Variants in IL1RAPL1 observed in about 807,000 individuals in gnomAD.
IL1RAPL1 encodes interleukin 1 receptor accessory protein like 1, also known as interleukin-1 receptor accessory protein-like 1.
Under a neutral mutation model 48.4 loss-of-function variants are expected in IL1RAPL1, and 3 were observed. The ratio of observed to expected loss-of-function variants is 0.06; its 90% CI spans 0.03 to 0.16. The LOEUF (loss-of-function observed/expected upper bound fraction) is 0.16, where lower values mean the gene tolerates loss of function less well. Ranked by LOEUF, IL1RAPL1 falls within the 10% of genes least tolerant of loss-of-function variation. The pLI is 1.00. For synonymous variants in IL1RAPL1, 185 were observed against 187.7 expected (o/e 0.99, Z 0.12); for missense variants, 349 against 530.6 (o/e 0.66, Z 3.36).
intron 2 of IL1RAPL1, among the ~76,000 whole-genome samples, chrX:29,113,193 T>TA (rs1245639359): frequency 1.8e-5 from 2 of 112,233 alleles, no homozygotes; most frequent in Non-Finnish European, 3.8e-5. Flanking sequence ...ACTAGTCATT[T>TA]AGCCCTATGT....
intron 6 of IL1RAPL1, among the ~76,000 whole-genome samples, chrX:29,760,084 A>T (rs1356704685): frequency 8.9e-6 from 1 of 112,094 alleles, no homozygotes; most frequent in Non-Finnish European, 1.9e-5. Flanking sequence ...CTAGCAAGGA[A>T]GAACCAAGTG....
intron 1 of IL1RAPL1, among the ~76,000 whole-genome samples, chrX:28,714,277 C>T (rs987935234): frequency 1.8e-5 from 2 of 111,381 alleles, no homozygotes; most frequent in South Asian, 3.8e-4. Flanking sequence ...AGACATCTTG[C>T]GGAGCCATTC....
intron 1 of IL1RAPL1, among the ~76,000 whole-genome samples, chrX:28,779,632 GTGTATATA>G (rs1212199133): frequency 1.8e-5 from 1 of 54,679 alleles, no homozygotes; most frequent in African/African-American, 9.3e-5. Flanking sequence ...GTGTGTGTGT[GTGTATATA>G]TATATATATA....
intron 2 of IL1RAPL1, among the ~76,000 whole-genome samples, chrX:29,066,031 CTT>C (rs1927444797): frequency 9.0e-6 from 1 of 111,563 alleles, no homozygotes; most frequent in African/African-American, 3.3e-5. Context: ...CATTTGGCCT[CTT>C]TCACAGTCAA....
chrX:29,152,785 C>A (rs967986383), intron 2 of IL1RAPL1, among the ~76,000 whole-genome samples: 1 of 111,910 alleles, frequency 8.9e-6, no homozygotes, highest in Non-Finnish European at 1.9e-5. Context: ...ATATAGTAAC[C>A]AGGGAATAAT....
intron 3 of IL1RAPL1, among the ~76,000 whole-genome samples, chrX:29,332,095 C>CTTTTTTTTT (rs72360733): frequency 1.8e-4 from 5 of 27,888 alleles, no homozygotes; most frequent in East Asian, 1.8e-3. Flanking sequence ...ATTCTAAGGT[C>CTTTTTTTTT]TTTTTTTTTT....
intron 5 of IL1RAPL1, among the ~76,000 whole-genome samples, chrX:29,631,067 G>T (rs1048297343): frequency 6.5e-4 from 73 of 111,623 alleles, no homozygotes; most frequent in African/African-American, 2.3e-3. Flanking sequence ...TATAGTGATG[G>T]GTTAATACAA....
At chrX:29,789,125 A>G (rs1480468878) in intron 6 of IL1RAPL1, among the ~76,000 whole-genome samples, 3 of 112,302 alleles carry the variant, frequency 2.7e-5, no homozygotes, top group Admixed American at 9.4e-5. Flanking sequence ...TTTTTAAGAA[A>G]TTCTATTCAC....
chrX:29,234,160 C>T (rs5985978), intron 2 of IL1RAPL1, among the ~76,000 whole-genome samples: 29,700 of 111,418 alleles, frequency 0.27, 5,839 homozygotes, highest in African/African-American at 0.68. Flanking sequence ...TCCTGACCCA[C>T]AAAAACTGTG....
chrX:28,720,067 C>T (rs1166190618), intron 1 of IL1RAPL1, among the ~76,000 whole-genome samples: 1 of 111,380 alleles, frequency 9.0e-6, no homozygotes, highest in Non-Finnish European at 1.9e-5. Flanking sequence ...GTAATTTATG[C>T]TTTTTCTTAC....
At chrX:29,784,713 A>G (rs1256778959) in intron 6 of IL1RAPL1, among the ~76,000 whole-genome samples, 1 of 109,403 alleles carries the variant, frequency 9.1e-6, no homozygotes, top group Non-Finnish European at 1.9e-5. Flanking sequence ...TGAGGTTTCC[A>G]GCTGAGAGGA....
intron 2 of IL1RAPL1, among the ~76,000 whole-genome samples, chrX:29,015,400 A>G (rs1012369868): frequency 3.8e-4 from 42 of 111,687 alleles, no homozygotes; most frequent in Non-Finnish European, 1.1e-4. Flanking sequence ...TCTAAATATC[A>G]CAGTGAATTA....
At chrX:29,942,251 C>A (rs1298278574) in intron 9 of IL1RAPL1, among the ~76,000 whole-genome samples, 2 of 112,254 alleles carry the variant, frequency 1.8e-5, no homozygotes, top group African/African-American at 6.5e-5. Context: ...TTAAATTCAT[C>A]CAGCAGTCTT....
In IL1RAPL1 at chrX:29,941,882, A is replaced by G; in HGVS notation, c.1201+88A>G. The G allele has an allele frequency of 3.6e-6, 3 of 830,149 alleles. No individual in the cohort carries two copies. The South Asian group carries it at 6.4e-5, about 18-fold the overall frequency. 68.4% of individuals were successfully genotyped at this position (830,149 alleles called of 1,213,427 possible). Reference sequence around the variant, plus strand: ...TATTAAGGGGAAAAAAATTACGTGCATAATCAATGGCAGCAGCTCGTATAT... The same window carrying G: ...TATTAAGGGGAAAAAAATTACGTGCGTAATCAATGGCAGCAGCTCGTATAT... On this transcript the variant is annotated intron_variant, in intron 9 of 10. Coordinates refer to ENST00000378993, the MANE Select transcript of IL1RAPL1 (RefSeq NM_014271.4).
At chrX:29,760,768 C>A (rs1167713705) in intron 6 of IL1RAPL1, among the ~76,000 whole-genome samples, 1 of 111,610 alleles carries the variant, frequency 9.0e-6, no homozygotes, top group African/African-American at 3.3e-5. Context: ...GCTATTCCTG[C>A]TACACTTGTC....
chrX:28,998,454 C>T (rs1271530602), intron 2 of IL1RAPL1, among the ~76,000 whole-genome samples: 3 of 111,760 alleles, frequency 2.7e-5, no homozygotes, highest in African/African-American at 9.7e-5. Context: ...TTAATTCTTT[C>T]ATGTTTATGG....
At chrX:29,469,283 A>G (rs1312086449) in intron 5 of IL1RAPL1, among the ~76,000 whole-genome samples, 1 of 112,039 alleles carries the variant, frequency 8.9e-6, no homozygotes, top group African/African-American at 3.2e-5. Flanking sequence ...AATAAACCAT[A>G]TAATGTGCTG....
intron 6 of IL1RAPL1, among the ~76,000 whole-genome samples, chrX:29,889,944 A>T (rs1932244088): frequency 9.0e-6 from 1 of 110,528 alleles, no homozygotes; most frequent in Non-Finnish European, 1.9e-5. Flanking sequence ...ATATACATTC[A>T]TACATGTTGT....
intron 2 of IL1RAPL1, among the ~76,000 whole-genome samples, chrX:29,269,100 A>G (rs1393799802): frequency 8.9e-6 from 1 of 112,283 alleles, no homozygotes; most frequent in African/African-American, 3.2e-5. Flanking sequence ...TATTAACCAT[A>G]CAAAAACATA....
Sources: allele counts gnomAD v4.1 joint callset (sites outside exome capture counted in the v4.1 genomes callset), GRCh38; gene constraint gnomAD v4.1.1; transcripts MANE v1.5; gene names NCBI Gene and HGNC (gene_info 2026-07-23, HGNC 2026-07-21).